Variants in ATP9B observed in about 807,000 individuals in gnomAD.
ATP9B encodes probable phospholipid-transporting ATPase IIB.
Under a neutral mutation model 146.1 loss-of-function variants are expected in ATP9B, and 110 were observed. The ratio of observed to expected loss-of-function variants is 0.75; its 90% CI spans 0.65 to 0.88. The LOEUF is 0.88. Among genes scored for constraint, ATP9B ranks in the 40% least tolerant of loss-of-function variants. The pLI is 0.00. For synonymous variants in ATP9B, 604 were observed against 569.7 expected, an observed-to-expected ratio of 1.06 and a Z score of -0.86; for missense variants, 1,499 against 1,496.4, an observed-to-expected ratio of 1.00 and a Z score of -0.03.
intron 1 of ATP9B, among the ~76,000 whole-genome samples, chr18:79,080,562 A>T (rs1401032656): frequency 6.6e-6 from 1 of 152,028 alleles, no homozygotes; most frequent in Non-Finnish European, 1.5e-5. Context: ...CATGTCATCC[A>T]CAAACAGAGA....
At chr18:79,096,009 T>G (rs1468908919) in intron 1 of ATP9B, among the ~76,000 whole-genome samples, 8 of 152,366 alleles carry the variant, frequency 5.3e-5, no homozygotes, top group African/African-American at 1.2e-4. Context: ...TGTTGATACC[T>G]TTCAGATACA....
intron 19 of ATP9B, among the ~76,000 whole-genome samples, chr18:79,339,661 CGTA>C (rs1568747710): frequency 6.7e-6 from 1 of 149,340 alleles, no homozygotes; most frequent in Non-Finnish European, 1.5e-5. Context: ...TGACTGAGAT[CGTA>C]GTAGGAAGTG....
intron 13 of ATP9B, among the ~76,000 whole-genome samples, chr18:79,283,771 A>G (rs1323300330): frequency 6.6e-6 from 1 of 152,248 alleles, no homozygotes; most frequent in Non-Finnish European, 1.5e-5. Context: ...ATAAATGAAC[A>G]AATGATGCTG....
At chr18:79,218,373 T>C (rs1441394460) in intron 11 of ATP9B, among the ~76,000 whole-genome samples, 3 of 151,920 alleles carry the variant, frequency 2.0e-5, no homozygotes, top group Non-Finnish European at 4.4e-5. Context: ...TGTCATGTTT[T>C]CCTGGTGTTC....
In ATP9B at chr18:79,274,855, G is replaced by C. The variant is rs529062969; in HGVS notation, c.1269-2199G>C. Among the ~76,000 whole-genome samples, 5 of 152,274 alleles carry C rather than the reference G, an allele frequency of 3.3e-5. No individual in the cohort carries two copies. The South Asian group carries it at 1.0e-3, about 32-fold the overall frequency. On this transcript the variant is annotated intron_variant, in intron 12 of 29. Transcript: ENST00000426216. ...TTCAGTGGTAATTATTATATTCCAT[G>C]AAATAACTTAATATTCCATGATACA...
chr18:79,185,116 G>T (rs796374760), intron 8 of ATP9B, among the ~76,000 whole-genome samples: 5 of 152,136 alleles, frequency 3.3e-5, no homozygotes, highest in African/African-American at 1.2e-4. Context: ...ATGGGGGCAC[G>T]GGGATACTTT....
intron 11 of ATP9B, among the ~76,000 whole-genome samples, chr18:79,234,774 C>G (rs953813672): frequency 1.3e-5 from 2 of 152,152 alleles, no homozygotes; most frequent in Non-Finnish European, 2.9e-5. Flanking sequence ...GGGAGATAAT[C>G]AACGGACGGT....
chr18:79,362,677 A>G (rs1335659766), intron 26 of ATP9B: 1 of 152,256 alleles, frequency 6.6e-6, no homozygotes, highest in African/African-American at 2.4e-5. Flanking sequence ...AGATCCAGGC[A>G]TCAGGACTAG....
chr18:79,377,300 G>A lies in ATP9B; in HGVS notation c.3361G>A (p.Val1121Met), dbSNP rs778250195. ...CCTGTGGAAAGTGTCGGCGATCACC[G>A]TGGTCAGCTGCCTCCCGCTGTATGT... Reference protein sequence around the residue: ...TFLWKVSAITVVSCLPLYVLK... With the variant: ...TFLWKVSAITMVSCLPLYVLK... The change falls in exon 30 of 30, where the codon GTG becomes ATG. Residue 1121 changes from valine to methionine, a missense_variant. Coordinates refer to ENST00000426216, the MANE Select transcript of ATP9B (RefSeq NM_198531.5). 20 of 1,612,406 alleles carry A rather than the reference G, an allele frequency of 1.2e-5. No individual in the cohort carries two copies. In the East Asian group the frequency reaches 2.7e-4, roughly 22 times the overall value.
chr18:79,279,867 G>T (rs1027022140), intron 13 of ATP9B, among the ~76,000 whole-genome samples: 1 of 152,188 alleles, frequency 6.6e-6, no homozygotes, highest in African/African-American at 2.4e-5. Context: ...TTCACTCTTG[G>T]TGGGAACTTA....
intron 29 of ATP9B, chr18:79,376,199 ACACACACACACAC>A (rs1413253242): frequency 1.3e-4 from 130 of 970,224 alleles, no homozygotes; most frequent in Admixed American, 2.8e-4. Context: ...ACACACACAC[ACACACACACACAC>A]ACAAAACAAA....
chr18:79,166,229 C>T (rs2094962417), intron 7 of ATP9B, among the ~76,000 whole-genome samples: 1 of 152,138 alleles, frequency 6.6e-6, no homozygotes, highest in Admixed American at 6.5e-5. Flanking sequence ...TTTCAGAGGG[C>T]AGAAACAGCA....
intron 29 of ATP9B, chr18:79,375,963 GTAGCTAGTCAT>G: frequency 1.0e-6 from 1 of 985,336 alleles, no homozygotes; most frequent in Non-Finnish European, 1.2e-6. Context: ...CGGAATTCAA[GTAGCTAGTCAT>G]TAGCAGTACA....
intron 7 of ATP9B, among the ~76,000 whole-genome samples, chr18:79,168,305 T>G (rs1301746088): frequency 1.3e-5 from 2 of 151,960 alleles, no homozygotes; most frequent in Non-Finnish European, 2.9e-5. Flanking sequence ...TTCCTAGAGT[T>G]CAGCCAGTGA....
chr18:79,344,408 T>C (rs2096874926), intron 21 of ATP9B, 54 bp downstream of exon 21: 3 of 1,536,330 alleles, frequency 2.0e-6, no homozygotes, highest in Admixed American at 1.7e-5. Flanking sequence ...GAGGCAAGGC[T>C]GGTCCCTGGC....
chr18:79,207,945 G>A (rs1392672092), intron 10 of ATP9B, among the ~76,000 whole-genome samples: 2 of 152,070 alleles, frequency 1.3e-5, no homozygotes, highest in African/African-American at 4.8e-5. Context: ...TGGACGGTTT[G>A]TAATTAAAGA....
intron 29 of ATP9B, 94 bp from the exon 30 acceptor site, chr18:79,377,153 C>T (rs942085523): frequency 4.8e-6 from 7 of 1,462,728 alleles, no homozygotes; most frequent in Admixed American, 3.5e-5. Context: ...CAAGCTTAGA[C>T]CGTCTGGTGG....
At chr18:79,304,963 T>G (rs2096612525) in intron 14 of ATP9B, among the ~76,000 whole-genome samples, 1 of 152,194 alleles carries the variant, frequency 6.6e-6, no homozygotes, top group Admixed American at 6.5e-5. Context: ...GGTTCAAAAT[T>G]GTACATAGCT....
chr18:79,340,841 T>TC (rs1475825559), intron 19 of ATP9B, among the ~76,000 whole-genome samples: 2 of 152,234 alleles, frequency 1.3e-5, no homozygotes, highest in Non-Finnish European at 2.9e-5. Context: ...CCATTGAACC[T>TC]CCGTTTCCAA....
Sources: allele counts gnomAD v4.1 joint callset (sites outside exome capture counted in the v4.1 genomes callset), GRCh38; gene constraint gnomAD v4.1.1; transcripts MANE v1.5; gene names NCBI Gene and HGNC (gene_info 2026-07-23, HGNC 2026-07-21).